CNTN5: variants seen among roughly 807,000 people sequenced by gnomAD.
CNTN5 encodes contactin 5.
In CNTN5, 77 loss-of-function variants were observed where a neutral mutation model predicts 129.1. The observed-to-expected ratio is 0.60, with a 90% CI of 0.50 to 0.72. The LOEUF is 0.72. Among genes scored for constraint, CNTN5 ranks in the 30% least tolerant of loss-of-function variants. CNTN5 has a pLI of 0.00. For missense variants in CNTN5, 1,478 were observed against 1,328.8 expected, an observed-to-expected ratio of 1.11 and a Z score of -1.75; for synonymous variants, 509 against 465.6, an observed-to-expected ratio of 1.09 and a Z score of -1.20.
chr11:99,885,173 T>C (rs560644809), intron 6 of CNTN5, among the ~76,000 whole-genome samples: 15 of 152,058 alleles, frequency 9.9e-5, no homozygotes, highest in African/African-American at 3.6e-4. Context: ...TCCTAGCTAC[T>C]GGGGGCGCTC....
intron 3 of CNTN5, among the ~76,000 whole-genome samples, chr11:99,702,185 C>A (rs979632473): frequency 6.6e-6 from 1 of 151,024 alleles, no homozygotes; most frequent in Admixed American, 6.6e-5. Context: ...CATTTTTATG[C>A]ACAAGTTATT....
intron 13 of CNTN5, among the ~76,000 whole-genome samples, chr11:100,124,273 A>T (rs1410416179): frequency 3.3e-5 from 5 of 152,066 alleles, no homozygotes; most frequent in African/African-American, 1.2e-4. Flanking sequence ...AAAACTGGAT[A>T]TTAGAAATTT....
intron 21 of CNTN5, chr11:100,309,012 T>A: frequency 1.0e-6 from 1 of 985,020 alleles, no homozygotes; most frequent in Non-Finnish European, 1.2e-6. Flanking sequence ...ATAACATCAA[T>A]GAAATTTTAG....
intron 3 of CNTN5, among the ~76,000 whole-genome samples, chr11:99,584,934 A>C (rs2515387): frequency 6.6e-6 from 1 of 152,006 alleles, no homozygotes; most frequent in African/African-American, 2.4e-5. Context: ...ACAACTAACA[A>C]GATCTGTTGC....
intron 1 of CNTN5, among the ~76,000 whole-genome samples, chr11:99,199,673 GA>G (rs1431349833): frequency 6.6e-6 from 1 of 152,040 alleles, no homozygotes; most frequent in Admixed American, 6.6e-5. Context: ...AATGGCAAAA[GA>G]AACACACAAT....
chr11:99,395,354 G>T (rs1941466441), intron 2 of CNTN5, among the ~76,000 whole-genome samples: 1 of 151,810 alleles, frequency 6.6e-6, no homozygotes, highest in African/African-American at 2.4e-5. Flanking sequence ...AGAAGTGCCT[G>T]TTCATGTCCT....
At chr11:99,517,124 A>G (rs149362982) in intron 2 of CNTN5, among the ~76,000 whole-genome samples, 2 of 152,224 alleles carry the variant, frequency 1.3e-5, no homozygotes, top group Non-Finnish European at 2.9e-5. Context: ...GACAGGTTTT[A>G]TCTCTCTTTT....
At position 99,540,171 on chromosome 11, in the gene CNTN5, A is replaced by G. The variant is rs1346757369; in HGVS notation, c.-70-15974A>G. On this transcript the variant is annotated intron_variant, in intron 2 of 24. Coordinates refer to ENST00000524871, the MANE Select transcript of CNTN5 (RefSeq NM_014361.4). ...GATACCTGTAGAGTAAGAAGCTTCT[A>G]TATTGGGAAAGTCTATAGAAGTAAG... Among the ~76,000 whole-genome samples the G allele has an allele frequency of 1.3e-5, 2 of 152,268 alleles. 1 individual carries two copies. The highest frequency in any genetic ancestry group is 6.8e-3 in the Middle Eastern group (2 of 294).
intron 3 of CNTN5, among the ~76,000 whole-genome samples, chr11:99,793,322 G>A (rs1247796723): frequency 6.6e-6 from 1 of 152,162 alleles, no homozygotes; most frequent in Admixed American, 6.5e-5. Flanking sequence ...GCCTCCCAAA[G>A]TGCTGGGATT....
In CNTN5 at chr11:100,094,182, C is replaced by T. The variant is rs114055893; in HGVS notation, c.1580+19888C>T. Among the ~76,000 whole-genome samples the T allele has an allele frequency of 2.3e-3, 355 of 152,252 alleles. 1 individual carries two copies. Among genetic ancestry groups the T allele is most frequent in the African/African-American group, 8.2e-3 (339 of 41,562 alleles). On this transcript the variant is annotated intron_variant, in intron 13 of 24. Coordinates refer to ENST00000524871, the MANE Select transcript of CNTN5 (RefSeq NM_014361.4). ...ACTGAACTGAGCAGATGCCCTGGAT[C>T]TGGTAGATGCGGAAATCTTATCAGC...
At chr11:99,850,692 T>G (rs1947845910) in intron 6 of CNTN5, among the ~76,000 whole-genome samples, 1 of 151,926 alleles carries the variant, frequency 6.6e-6, no homozygotes, top group Admixed American at 6.6e-5. Flanking sequence ...TAGGAAAAAA[T>G]GTACCTTATA....
chr11:99,299,911 C>T (rs1864556128), intron 1 of CNTN5, among the ~76,000 whole-genome samples: 1 of 152,004 alleles, frequency 6.6e-6, no homozygotes, highest in Non-Finnish European at 1.5e-5. Context: ...GATAGATATA[C>T]AGTAATGGGA....
At chr11:99,676,687 C>G (rs988752580) in intron 3 of CNTN5, among the ~76,000 whole-genome samples, 5 of 152,086 alleles carry the variant, frequency 3.3e-5, no homozygotes, top group Admixed American at 1.3e-4. Flanking sequence ...AACAAACCTG[C>G]ACGTTGTGCC....
chr11:99,055,985 T>C (rs1864609166), intron 1 of CNTN5, among the ~76,000 whole-genome samples: 1 of 151,930 alleles, frequency 6.6e-6, no homozygotes, highest in Admixed American at 6.6e-5. Context: ...CTTTTCAGTT[T>C]CTGTATGAGA....
Position 99,132,029 on chromosome 11 carries a change from C to T in CNTN5, c.-210+110759C>T, listed in dbSNP as rs114122201. 8.4e-3 allele frequency among the ~76,000 whole-genome samples: 1,281 copies of T among 152,196 alleles called. 22 individuals are homozygous for T. The highest frequency in any genetic ancestry group is 0.029 in the African/African-American group (1,191 of 41,518). ...AAATAGGACAAACTGAATCCAGTAG[C>T]ACATCAAAAAGCTTATTTAGCACAA... On this transcript the variant is annotated intron_variant, in intron 1 of 24. Transcript: ENST00000524871.
At chr11:100,195,042 C>T (rs935360754) in intron 15 of CNTN5, among the ~76,000 whole-genome samples, 1 of 150,032 alleles carries the variant, frequency 6.7e-6, no homozygotes, top group Non-Finnish European at 1.5e-5. Flanking sequence ...ACACATTTTG[C>T]TCTGCTTTAT....
intron 3 of CNTN5, among the ~76,000 whole-genome samples, chr11:99,718,972 T>C (rs1943076266): frequency 2.0e-5 from 3 of 151,908 alleles, no homozygotes; most frequent in Admixed American, 6.6e-5. Context: ...ATATTCAAGA[T>C]AAAGAAAAAA....
intron 4 of CNTN5, among the ~76,000 whole-genome samples, chr11:99,824,167 A>G (rs1176567819): frequency 2.0e-5 from 3 of 151,974 alleles, no homozygotes; most frequent in Non-Finnish European, 4.4e-5. Context: ...TTAGGAGTGC[A>G]ATTTTTATAT....
At chr11:100,036,682 A>G (rs1029514542) in intron 9 of CNTN5, among the ~76,000 whole-genome samples, 1 of 150,398 alleles carries the variant, frequency 6.6e-6, no homozygotes, top group African/African-American at 2.4e-5. Flanking sequence ...GAGGTCCTTC[A>G]CATCCCTTGT....
Sources: allele counts gnomAD v4.1 joint callset (sites outside exome capture counted in the v4.1 genomes callset), GRCh38; gene constraint gnomAD v4.1.1; transcripts MANE v1.5; gene names NCBI Gene and HGNC (gene_info 2026-07-23, HGNC 2026-07-21).